Variants in ALCAM observed in about 807,000 individuals in gnomAD.
The protein encoded by ALCAM is CD166 antigen.
A neutral mutation model predicts 70.9 loss-of-function variants in ALCAM; 30 were observed. The ratio of observed to expected loss-of-function variants is 0.42; its 90% CI spans 0.32 to 0.57. The LOEUF (loss-of-function observed/expected upper bound fraction) is 0.57. ALCAM is among the 20% of genes least tolerant of loss of function. The probability of loss-of-function intolerance (pLI) is 0.11; values close to 1 mark genes in which losing one functional copy is unlikely to be tolerated. For synonymous variants in ALCAM, 249 were observed against 242.5 expected (o/e 1.03, Z -0.25); for missense variants, 591 against 695.1 (o/e 0.85, Z 1.68).
chr3:105,515,675 C>T (rs1939363056), intron 1 of ALCAM, among the ~76,000 whole-genome samples: 2 of 152,008 alleles, frequency 1.3e-5, no homozygotes, highest in Admixed American at 6.6e-5. Flanking sequence ...GTAATATACA[C>T]AGCAAAGCAC....
At chr3:105,459,058 C>T (rs559913205) in intron 1 of ALCAM, among the ~76,000 whole-genome samples, 2 of 152,212 alleles carry the variant, frequency 1.3e-5, no homozygotes, top group South Asian at 2.1e-4. Flanking sequence ...ACAACACATG[C>T]GAAATCTTTC....
At chr3:105,557,682 C>T (rs1940549166) in intron 14 of ALCAM, among the ~76,000 whole-genome samples, 2 of 152,114 alleles carry the variant, frequency 1.3e-5, no homozygotes, top group African/African-American at 4.8e-5. Flanking sequence ...CAGGTGGCTT[C>T]CTGTTTTCAT....
At chr3:105,573,992 A>G (rs995669071) in intron 15 of ALCAM, among the ~76,000 whole-genome samples, 2 of 152,104 alleles carry the variant, frequency 1.3e-5, no homozygotes, top group Non-Finnish European at 2.9e-5. Flanking sequence ...TCTCTATCTC[A>G]CCTTTCATTG....
intron 1 of ALCAM, among the ~76,000 whole-genome samples, chr3:105,455,224 G>A (rs1937519124): frequency 2.0e-5 from 3 of 151,552 alleles, no homozygotes; most frequent in East Asian, 2.0e-4. Flanking sequence ...GGCGGATCAC[G>A]AGGTCAAGAG....
intron 8 of ALCAM, among the ~76,000 whole-genome samples, chr3:105,542,974 C>T (rs1399842062): frequency 6.6e-6 from 1 of 151,672 alleles, no homozygotes; most frequent in African/African-American, 2.4e-5. Context: ...CAGTCCTGTT[C>T]CATGAAAATA....
chr3:105,409,135 T>C (rs1184735772), intron 1 of ALCAM, among the ~76,000 whole-genome samples: 1 of 152,046 alleles, frequency 6.6e-6, no homozygotes, highest in Non-Finnish European at 1.5e-5. Flanking sequence ...GGAAAAACAA[T>C]GTGGAGATTC....
intron 14 of ALCAM, among the ~76,000 whole-genome samples, chr3:105,559,656 C>A (rs1427470020): frequency 7.2e-5 from 11 of 152,124 alleles, no homozygotes; most frequent in Admixed American, 7.2e-4. Context: ...GACTACTACT[C>A]CCTTCAAGAT....
chr3:105,558,734 C>T (rs1167945084), intron 14 of ALCAM, among the ~76,000 whole-genome samples: 1 of 152,138 alleles, frequency 6.6e-6, no homozygotes, highest in African/African-American at 2.4e-5. Context: ...GATTTAAACT[C>T]TCTTCTGCTG....
chr3:105,488,576 G>A (rs987655304), intron 1 of ALCAM, among the ~76,000 whole-genome samples: 1 of 151,466 alleles, frequency 6.6e-6, no homozygotes, highest in Admixed American at 6.6e-5. Context: ...TGGGAAAAGA[G>A]TGAATTCATG....
At chr3:105,552,086 G>A in intron 12 of ALCAM, 58 bp from the exon 13 acceptor site, 3 of 1,288,514 alleles carry the variant, frequency 2.3e-6, no homozygotes, top group Admixed American at 2.0e-5. Context: ...TGGTAAAGGT[G>A]ACTTTCATAT....
At chr3:105,537,121 G>T (rs190260188) in intron 6 of ALCAM, among the ~76,000 whole-genome samples, 3 of 152,106 alleles carry the variant, frequency 2.0e-5, no homozygotes, top group Admixed American at 2.0e-4. Flanking sequence ...TCTTGAGAAA[G>T]CTTGAGAAAA....
At chr3:105,548,834 C>T (rs929513263) in intron 11 of ALCAM, among the ~76,000 whole-genome samples, 4 of 151,342 alleles carry the variant, frequency 2.6e-5, no homozygotes, top group Non-Finnish European at 5.9e-5. Flanking sequence ...TTTTTAGCAT[C>T]AAAAATGGTG....
intron 1 of ALCAM, among the ~76,000 whole-genome samples, chr3:105,397,842 A>G (rs936833387): frequency 2.0e-5 from 3 of 152,156 alleles, no homozygotes; most frequent in African/African-American, 7.2e-5. Context: ...AATATGTAAA[A>G]TAATGCTTTA....
chr3:105,571,769 A>C, intron 14 of ALCAM, 83 bp from the exon 15 acceptor site: 1 of 1,053,034 alleles, frequency 9.5e-7, no homozygotes, highest in Non-Finnish European at 1.4e-6. Context: ...TTTCAAAGAC[A>C]CATTAATTCA....
chr3:105,446,610 TACACACACACACAC>T (rs59828133), intron 1 of ALCAM, among the ~76,000 whole-genome samples: 8 of 144,030 alleles, frequency 5.6e-5, no homozygotes, highest in African/African-American at 7.8e-5. Context: ...AAATTTGGTG[TACACACACACACAC>T]ACACACACAC....
At chr3:105,499,588 G>A (rs1381305648) in intron 1 of ALCAM, among the ~76,000 whole-genome samples, 1 of 152,116 alleles carries the variant, frequency 6.6e-6, no homozygotes. Context: ...CTATAAATCA[G>A]TTCATGTCTG....
chr3:105,558,960 A>G (rs1940573160), intron 14 of ALCAM, among the ~76,000 whole-genome samples: 1 of 152,014 alleles, frequency 6.6e-6, no homozygotes, highest in Non-Finnish European at 1.5e-5. Flanking sequence ...ATAAAAACCC[A>G]GGCTTGCAGA....
At chr3:105,541,939 C>T (rs1005665212) in intron 8 of ALCAM, among the ~76,000 whole-genome samples, 174 bp downstream of exon 8, 3 of 151,880 alleles carry the variant, frequency 2.0e-5, no homozygotes, top group African/African-American at 7.3e-5. Flanking sequence ...ATTTGTACTG[C>T]AATATTGAAA....
intron 1 of ALCAM, among the ~76,000 whole-genome samples, chr3:105,434,076 A>G (rs1936997160): frequency 6.6e-6 from 1 of 152,172 alleles, no homozygotes; most frequent in African/African-American, 2.4e-5. Flanking sequence ...AGACAAAGGT[A>G]TCCTTGACAT....
Sources: allele counts gnomAD v4.1 joint callset (sites outside exome capture counted in the v4.1 genomes callset), GRCh38; gene constraint gnomAD v4.1.1; transcripts MANE v1.5; gene names NCBI Gene and HGNC (gene_info 2026-07-23, HGNC 2026-07-21).